Variants in PAH observed in about 807,000 individuals in gnomAD.
PAH encodes phenylalanine hydroxylase.
A neutral mutation model predicts 62.0 loss-of-function variants in PAH; 64 were observed. That is an observed-to-expected ratio of 1.03 (90% CI 0.84 to 1.27). PAH has a LOEUF of 1.27. Ranked by LOEUF, PAH falls within the 50% of genes most tolerant of loss-of-function variation. The pLI is 0.00. For synonymous variants in PAH, 195 were observed against 196.2 expected (o/e 0.99, Z 0.05); for missense variants, 579 against 542.8 (o/e 1.07, Z -0.66).
intron 2 of PAH, among the ~76,000 whole-genome samples, chr12:102,899,773 G>C (rs1877663115): frequency 7.1e-6 from 1 of 140,128 alleles, no homozygotes; most frequent in Non-Finnish European, 1.5e-5. Flanking sequence ...GCAGGAGAAT[G>C]GCGTGAACCC....
At chr12:102,894,980 C>A (rs539001968) in intron 2 of PAH, 62 bp from the exon 3 acceptor site, 1 of 1,179,228 alleles carries the variant, frequency 8.5e-7, no homozygotes, top group Non-Finnish European at 1.3e-6. Context: ...GCCAAAGATG[C>A]AGAACCAGAA....
intron 8 of PAH, among the ~76,000 whole-genome samples, chr12:102,850,189 T>C (rs569293258): frequency 8.6e-4 from 131 of 152,358 alleles, no homozygotes; most frequent in African/African-American, 3.1e-3. Context: ...ACCACACTTC[T>C]GAATGTCATT....
upstream of PAH, among the ~76,000 whole-genome samples, chr12:102,919,911 A>G (rs1171038646): frequency 3.3e-5 from 5 of 152,354 alleles, no homozygotes; most frequent in South Asian, 8.3e-4. Flanking sequence ...CAAACATAAA[A>G]GAACAGACAT....
intron 4 of PAH, 49 bp from the exon 5 acceptor site, chr12:102,866,712 C>A: frequency 6.9e-7 from 1 of 1,449,090 alleles, no homozygotes. Flanking sequence ...AGGAAGAGGT[C>A]TGGTACCTTT....
intron 3 of PAH, chr12:102,886,387 T>A (rs1243219088): frequency 6.6e-6 from 1 of 152,172 alleles, no homozygotes; most frequent in Non-Finnish European, 1.5e-5. Context: ...AAATAACCTG[T>A]AGGGCTATTT....
At chr12:102,940,610 G>A (rs1565882296) in intron 1 of PAH, among the ~76,000 whole-genome samples, 1 of 152,128 alleles carries the variant, frequency 6.6e-6, no homozygotes, top group Non-Finnish European at 1.5e-5. Context: ...AGTTCAGTGC[G>A]ACAAAAATAA....
At position 102,845,101 on chromosome 12, in the gene PAH, G is replaced by T. The variant is rs140731755; in HGVS notation, c.970-670C>A. Among the ~76,000 whole-genome samples, 495 of 152,246 alleles carry T rather than the reference G, an allele frequency of 3.3e-3. 4 individuals are homozygous for T. Among genetic ancestry groups the T allele is most frequent in the Non-Finnish European group, 3.2e-3 (216 of 68,014 alleles). On this transcript the variant is annotated intron_variant, in intron 9 of 12. Coordinates refer to ENST00000553106, the MANE Select transcript of PAH (RefSeq NM_000277.3). ...AGGCAGCAACTGCCCCAGTGCCATG[G>T]ACAGGATTGCCCAGGTAGAAGCCTG...
chr12:102,931,970 A>G, intron 1 of PAH, among the ~76,000 whole-genome samples: 1 of 152,182 alleles, frequency 6.6e-6, no homozygotes, highest in African/African-American at 2.4e-5. Flanking sequence ...TGGGGCTTAC[A>G]TTCTAGTGTC....
At chr12:102,942,536 A>T (rs1290776361) in intron 1 of PAH, among the ~76,000 whole-genome samples, 3 of 151,710 alleles carry the variant, frequency 2.0e-5, no homozygotes, top group Non-Finnish European at 3.0e-5. Flanking sequence ...TACCAATGAC[A>T]TTTTTTTTCA....
In PAH at chr12:102,838,961, T is replaced by A; in HGVS notation, c.*214A>T. The A allele has an allele frequency of 1.7e-6, 1 of 583,962 alleles. No homozygotes were observed. Among genetic ancestry groups the A allele is most frequent in the Non-Finnish European group, 3.0e-6 (1 of 328,052 alleles). The allele number at this position is 583,962 out of a possible 1,614,324, so 36.2% of individuals were successfully genotyped here. A position where few individuals can be genotyped will look rare whatever the true frequency, so the allele number is the denominator to read the frequency against. On this transcript the variant is annotated 3_prime_UTR_variant, in exon 13 of 13. Transcript: ENST00000553106. ...GGGATTATCATCTCTAAATCAAAGA[T>A]GACCCCAAAAGATTTACCATTATGC...
intron 3 of PAH, among the ~76,000 whole-genome samples, chr12:102,893,128 A>AGT (rs1399533357): frequency 6.6e-6 from 1 of 152,230 alleles, no homozygotes; most frequent in African/African-American, 2.4e-5. Context: ...GGCCAGGCAC[A>AGT]GTGGCTCATG....
At chr12:102,913,586 T>C (rs1878281748) in intron 1 of PAH, among the ~76,000 whole-genome samples, 1 of 152,144 alleles carries the variant, frequency 6.6e-6, no homozygotes, top group African/African-American at 2.4e-5. Flanking sequence ...TTGAGAAGTA[T>C]ATAAAAATGA....
intron 1 of PAH, among the ~76,000 whole-genome samples, chr12:102,938,553 C>T (rs1879181859): frequency 6.6e-6 from 1 of 152,182 alleles, no homozygotes; most frequent in African/African-American, 2.4e-5. Context: ...TTCATATCTT[C>T]AGGCAAAGCC....
intron 1 of PAH, chr12:102,923,517 A>T (rs971508539): frequency 6.6e-6 from 1 of 152,226 alleles, no homozygotes; most frequent in African/African-American, 2.4e-5. Context: ...CTGTGGGACC[A>T]GAACAAATGT....
chr12:102,909,577 T>A (rs1878122137), intron 2 of PAH, among the ~76,000 whole-genome samples: 2 of 152,214 alleles, frequency 1.3e-5, no homozygotes, highest in Admixed American at 6.5e-5. Flanking sequence ...CTACTTAAAT[T>A]ATTTGGAACT....
At chr12:102,851,628 C>T (rs1254020522) in intron 8 of PAH, 59 bp downstream of exon 8, 1 of 1,434,270 alleles carries the variant, frequency 7.0e-7, no homozygotes, top group Non-Finnish European at 9.8e-7. Flanking sequence ...GGGCTCAACT[C>T]ATTTGAGAAA....
At position 102,838,084 on chromosome 12, in the gene PAH, T is replaced by G. The variant is rs1443118139; in HGVS notation, c.*1091A>C. 6.6e-6 allele frequency: 1 copy of G among 151,992 alleles called. No individual in the cohort carries two copies. The highest frequency in any genetic ancestry group is 1.5e-5 in the Non-Finnish European group (1 of 68,010). 9.4% of individuals were successfully genotyped at this position (151,992 alleles called of 1,614,324 possible). ...TCAAATCATAGCTACAAAGATATTG[T>G]TTTTTTTCTCCCCACTGCTTCTCAG... On this transcript the variant is annotated 3_prime_UTR_variant, in exon 13 of 13. Transcript: ENST00000553106.
At chr12:102,880,097 C>T (rs776835151) in intron 3 of PAH, among the ~76,000 whole-genome samples, 4 of 152,192 alleles carry the variant, frequency 2.6e-5, no homozygotes, top group Non-Finnish European at 5.9e-5. Context: ...TCTTGATAGA[C>T]CTCCTTGGTC....
At chr12:102,946,681 C>T (rs1281296288) in intron 1 of PAH, 2 of 152,606 alleles carry the variant, frequency 1.3e-5, no homozygotes, top group Non-Finnish European at 2.9e-5. Context: ...ACTGTCTTTT[C>T]TACCTTCTTA....
Sources: allele counts gnomAD v4.1 joint callset (sites outside exome capture counted in the v4.1 genomes callset), GRCh38; gene constraint gnomAD v4.1.1; transcripts MANE v1.5; gene names NCBI Gene and HGNC (gene_info 2026-07-23, HGNC 2026-07-21).